Variants in GOLGA6C observed in about 807,000 individuals in gnomAD.
GOLGA6C encodes the protein golgin A6 family member C, also known as golgin subfamily A member 6C.
GOLGA6C carries 3 observed loss-of-function variants against 57.5 expected under a neutral mutation model. The ratio of observed to expected loss-of-function variants is 0.05; its 90% CI spans 0.02 to 0.13. GOLGA6C has a LOEUF of 0.13. GOLGA6C is among the 10% of genes least tolerant of loss of function. The probability of loss-of-function intolerance (pLI) is 1.00; values close to 1 mark genes in which losing one functional copy is unlikely to be tolerated. For missense variants in GOLGA6C, 88 were observed against 525.6 expected (o/e 0.17, Z 8.14); for synonymous variants, 32 against 203.8 (o/e 0.16, Z 7.18).
intron 2 of GOLGA6C, among the ~76,000 whole-genome samples, chr15:75,260,736 GT>G (rs1285042418): frequency 7.5e-5 from 11 of 147,450 alleles, no homozygotes; most frequent in Admixed American, 7.4e-4. Flanking sequence ...TATTGTTGTT[GT>G]TTTCATGTTA....
chr15:75,269,251 G>A (rs937825428), intron 14 of GOLGA6C, among the ~76,000 whole-genome samples: 1 of 146,664 alleles, frequency 6.8e-6, no homozygotes, highest in African/African-American at 2.6e-5. Context: ...TCATCTGGTG[G>A]CCTTGGCCTG....
At chr15:75,265,083 G>T in intron 7 of GOLGA6C, 39 bp from the exon 8 acceptor site, 1 of 1,605,958 alleles carries the variant, frequency 6.2e-7, no homozygotes, top group East Asian at 2.3e-5. Flanking sequence ...GCACTGCCCG[G>T]GCTCCCCAGA....
rs1258889408 is a variant in GOLGA6C at position 75,272,705 on chromosome 15, G to A, written c.*2506G>A. 6.6e-6 allele frequency among the ~76,000 whole-genome samples: 1 copy of A among 151,650 alleles called. No individual in the cohort carries two copies. The highest frequency in any genetic ancestry group is 6.5e-5 in the Admixed American group (1 of 15,268). On this transcript the variant is annotated 3_prime_UTR_variant, in exon 18 of 18. Coordinates refer to ENST00000300576, the MANE Select transcript of GOLGA6C (RefSeq NM_001164404.2). ...AACTGAAATACCACTCTTTGTGTAGGTATTCTGTCATATATTTAAGAAAAA... is the reference window on the plus strand; with the variant it reads ...AACTGAAATACCACTCTTTGTGTAGATATTCTGTCATATATTTAAGAAAAA...
chr15:75,265,015 T>C (rs2070751296), intron 7 of GOLGA6C, 107 bp from the exon 8 acceptor site: 1 of 1,307,736 alleles, frequency 7.6e-7, no homozygotes, highest in South Asian at 1.3e-5. Context: ...GGCTTGGAAA[T>C]GCCTTGACCT....
rs1316101144 is a variant in GOLGA6C at position 75,272,675 on chromosome 15, A to G, written c.*2476A>G. Reference sequence around the variant, plus strand: ...TGTCAGTCTGGAAAATGAATGTACTATATTAACTGAAATACCACTCTTTGT... The same window carrying G: ...TGTCAGTCTGGAAAATGAATGTACTGTATTAACTGAAATACCACTCTTTGT... On this transcript the variant is annotated 3_prime_UTR_variant, in exon 18 of 18. Coordinates refer to ENST00000300576, the MANE Select transcript of GOLGA6C (RefSeq NM_001164404.2). Among the ~76,000 whole-genome samples the G allele has an allele frequency of 2.0e-5, 3 of 151,916 alleles. No individual in the cohort carries two copies. The highest frequency in any genetic ancestry group is 2.1e-4 in the South Asian group (1 of 4,838).
Position 75,270,334 on chromosome 15 carries a change from T to C in GOLGA6C, c.*135T>C, listed in dbSNP as rs540407864. 8.4e-6 allele frequency: 12 copies of C among 1,421,760 alleles called. 1 individual carries two copies. In the South Asian group the frequency reaches 1.3e-4, roughly 15 times the overall value. 88.1% of individuals were successfully genotyped at this position (1,421,760 alleles called of 1,614,324 possible). On this transcript the variant is annotated 3_prime_UTR_variant, in exon 18 of 18. Coordinates refer to ENST00000300576, the MANE Select transcript of GOLGA6C (RefSeq NM_001164404.2). ...CAACAACAACAAAAAGTTACGGGGTTCATCTCCTACACAATTCATTTACTC... is the reference window on the plus strand; with the variant it reads ...CAACAACAACAAAAAGTTACGGGGTCCATCTCCTACACAATTCATTTACTC...
chr15:75,269,147 C>G (rs1326980010), intron 14 of GOLGA6C, among the ~76,000 whole-genome samples: 1 of 143,626 alleles, frequency 7.0e-6, no homozygotes. Context: ...CTTCAAGTGG[C>G]ATTTTTCAAC....
At chr15:75,259,165 T>A (rs530263777) in intron 1 of GOLGA6C, among the ~76,000 whole-genome samples, 1 of 152,058 alleles carries the variant, frequency 6.6e-6, no homozygotes, top group East Asian at 1.9e-4. Flanking sequence ...AGGACCTGGG[T>A]CCCAGCCCCA....
Position 75,270,289 on chromosome 15 carries a change from G to A in GOLGA6C, c.*90G>A. The A allele has an allele frequency of 3.9e-6, 6 of 1,525,882 alleles. No homozygotes were observed. Among genetic ancestry groups the A allele is most frequent in the Non-Finnish European group, 5.3e-6 (6 of 1,138,576 alleles). 94.5% of individuals were successfully genotyped at this position (1,525,882 alleles called of 1,614,324 possible). ...AGATAAACATCATCATCTTCTAAGA[G>A]CTGGTCAAGAAATTTAAAACAACAA... On this transcript the variant is annotated 3_prime_UTR_variant, in exon 18 of 18. Transcript: ENST00000300576.
intron 7 of GOLGA6C, among the ~76,000 whole-genome samples, chr15:75,264,586 A>G (rs3878235): frequency 3.8e-3 from 386 of 100,478 alleles, no homozygotes; most frequent in Middle Eastern, 0.014. Flanking sequence ...GTTTTGGACT[A>G]TATGAATGTA....
chr15:75,269,215 C>T lies in GOLGA6C; in HGVS notation c.1594-238C>T, dbSNP rs2415193. Among the ~76,000 whole-genome samples the T allele has an allele frequency of 5.7e-3, 818 of 143,192 alleles. 65 individuals carry two copies. The highest frequency in any genetic ancestry group is 0.02 in the African/African-American group (717 of 36,012). The allele number at this position is 143,192 out of a possible 152,430, so 93.9% of individuals were successfully genotyped here. On this transcript the variant is annotated intron_variant, in intron 14 of 17. Transcript: ENST00000300576. The stretch of plus-strand genomic sequence containing the variant: ...ACGGCTATGTGGGCAGCGGAAGGTG[C>T]GAAGGCTGTGCCGCCTGCACCTGGC...
At position 75,265,106 on chromosome 15, in the gene GOLGA6C, A is replaced by C. The variant is rs1178133978; in HGVS notation, c.565-16A>C. On this transcript the variant is annotated splice_polypyrimidine_tract_variant and intron_variant, in intron 7 of 17. Coordinates refer to ENST00000300576, the MANE Select transcript of GOLGA6C (RefSeq NM_001164404.2). ...CGGGCTCCCCAGATCAAAACTTCTC[A>C]CTCTTCACCATCCAGTCCTCGAGCT... is the stretch of plus-strand genomic sequence containing the variant. 5.6e-6 allele frequency: 9 copies of C among 1,605,750 alleles called. No homozygotes were observed. The highest frequency in any genetic ancestry group is 6.8e-6 in the Non-Finnish European group (8 of 1,178,522).
intron 14 of GOLGA6C, among the ~76,000 whole-genome samples, chr15:75,269,207 G>A (rs1229926330): frequency 4.1e-5 from 6 of 146,682 alleles, no homozygotes; most frequent in South Asian, 2.1e-4. Context: ...TGTGGGCAGC[G>A]GAAGGTGCGA....
intron 1 of GOLGA6C, among the ~76,000 whole-genome samples, chr15:75,258,948 G>A (rs1327908703): frequency 5.4e-5 from 8 of 149,108 alleles, no homozygotes; most frequent in East Asian, 2.1e-4. Flanking sequence ...CAGCCCTCAC[G>A]TCCTGCCACC....
intron 14 of GOLGA6C, 81 bp downstream of exon 14, chr15:75,268,969 A>G (rs200093221): frequency 0.16 from 84,943 of 535,848 alleles, 2,134 homozygotes; most frequent in East Asian, 0.24. Flanking sequence ...TGGTTTTCCC[A>G]CCTTCTGATT....
chr15:75,265,248 C>T lies in GOLGA6C; in HGVS notation c.651+40C>T. ...AGGGAGGGATGTGGAAGGAAGATGA[C>T]CCCAGGTGGCCAGGAGCAGGTGAGG... On this transcript the variant is annotated intron_variant, in intron 8 of 17. Coordinates refer to ENST00000300576, the MANE Select transcript of GOLGA6C (RefSeq NM_001164404.2). 2.6e-6 allele frequency: 4 copies of T among 1,516,736 alleles called. 1 individual carries two copies. Among genetic ancestry groups the T allele is most frequent in the Non-Finnish European group, 3.6e-6 (4 of 1,106,096 alleles). 94.0% of individuals were successfully genotyped at this position (1,516,736 alleles called of 1,614,324 possible).
At position 75,269,999 on chromosome 15, in the gene GOLGA6C, T is replaced by C. The variant is rs1424574070; in HGVS notation, c.1954+14T>C. 1 of 1,579,294 alleles carries C rather than the reference T, an allele frequency of 6.3e-7. No individual in the cohort carries two copies. Among genetic ancestry groups the C allele is most frequent in the Non-Finnish European group, 8.6e-7 (1 of 1,167,756 alleles). ...GTGAGCAGGATGGTGAGTAGAGCTC[T>C]CAGGCGGGGTGGGCAGGCAGGGGCA... On this transcript the variant is annotated intron_variant, in intron 17 of 17. Transcript: ENST00000300576.
In GOLGA6C at chr15:75,258,595, G is replaced by A. The variant is rs1486558553; in HGVS notation, c.-4G>A. ...GCCTTGTAGGTGACTGGAGGTGTTC[G>A]CTGATGTGGCCCCAACCCTACCTCC... On this transcript the variant is annotated 5_prime_UTR_variant, in exon 1 of 18. Coordinates refer to ENST00000300576, the MANE Select transcript of GOLGA6C (RefSeq NM_001164404.2). 7 of 538,674 alleles carry A rather than the reference G, an allele frequency of 1.3e-5. No homozygotes were observed. Among genetic ancestry groups the A allele is most frequent in the Admixed American group, 1.3e-4 (4 of 30,820 alleles). The allele number at this position is 538,674 out of a possible 1,614,324, so 33.4% of individuals were successfully genotyped here.
rs201049239 is a variant in GOLGA6C at position 75,269,667 on chromosome 15, G to A, written c.1725G>A (p.Gln575=). ...MRESFTVYES[Q]GAVPNTRHQE... ...AGTCCTTCACCGTATATGAAAGCCA[G>A]GGGGCAGTGCCAAACACGCGGCACC... Residue 575 remains glutamine, a synonymous_variant, in exon 16 of 18, where the codon CAG becomes CAA. Coordinates refer to ENST00000300576, the MANE Select transcript of GOLGA6C (RefSeq NM_001164404.2). 1 of 581,958 alleles carries A rather than the reference G, an allele frequency of 1.7e-6. No homozygotes were observed. Among genetic ancestry groups the A allele is most frequent in the South Asian group, 2.0e-5 (1 of 48,998 alleles). 36.0% of individuals were successfully genotyped at this position (581,958 alleles called of 1,614,324 possible).
Sources: gnomAD v4.1 joint callset for allele counts (sites outside exome capture counted in the v4.1 genomes callset) on GRCh38, gnomAD v4.1.1 for gene constraint, MANE v1.5 for transcripts, NCBI Gene and HGNC (gene_info 2026-07-23, HGNC 2026-07-21) for gene names.